Variants in LRBA observed in about 807,000 individuals in gnomAD.
LRBA encodes LPS responsive beige-like anchor protein, also known as lipopolysaccharide-responsive and beige-like anchor protein.
A neutral mutation model predicts 330.0 loss-of-function variants in LRBA; 176 were observed. The observed-to-expected ratio is 0.53, with a 90% CI of 0.47 to 0.60. The LOEUF (loss-of-function observed/expected upper bound fraction) is 0.60. Among genes scored for constraint, LRBA ranks in the 20% least tolerant of loss-of-function variants. The pLI is 0.00. For missense variants in LRBA, 3,259 were observed against 3,444.8 expected, an observed-to-expected ratio of 0.95 and a Z score of 1.35; for synonymous variants, 1,230 against 1,193.0, an observed-to-expected ratio of 1.03 and a Z score of -0.64.
chr4:150,343,511 T>A (rs1290442971), intron 48 of LRBA, among the ~76,000 whole-genome samples: 3 of 152,208 alleles, frequency 2.0e-5, no homozygotes, highest in African/African-American at 4.8e-5. Flanking sequence ...GAATTAGTAA[T>A]GAATAAAAGG....
At chr4:150,973,230 T>C (rs977373817) in intron 2 of LRBA, among the ~76,000 whole-genome samples, 33 of 152,184 alleles carry the variant, frequency 2.2e-4, no homozygotes, top group Admixed American at 1.6e-3. Flanking sequence ...TGCAATGGCA[T>C]GATCTCAGCT....
chr4:150,432,210 C>G (rs1373864339), intron 46 of LRBA, among the ~76,000 whole-genome samples: 1 of 151,922 alleles, frequency 6.6e-6, no homozygotes, highest in African/African-American at 2.4e-5. Context: ...AGAATGTATA[C>G]TATATTAATC....
At chr4:150,675,900 T>C (rs1306492930) in intron 37 of LRBA, among the ~76,000 whole-genome samples, 1 of 152,170 alleles carries the variant, frequency 6.6e-6, no homozygotes, top group African/African-American at 2.4e-5. Context: ...TATTTTCTAA[T>C]TCTTGAATAA....
chr4:150,399,413 T>A (rs1258429606), intron 47 of LRBA, among the ~76,000 whole-genome samples: 3 of 152,170 alleles, frequency 2.0e-5, no homozygotes, highest in African/African-American at 7.2e-5. Context: ...TTCTGATACT[T>A]TTTGAAGACT....
At chr4:150,451,179 G>A (rs1753299490) in intron 44 of LRBA, among the ~76,000 whole-genome samples, 1 of 152,144 alleles carries the variant, frequency 6.6e-6, no homozygotes. Context: ...GGATACAGAA[G>A]ACATGAGCAA....
chr4:150,998,524 TTTTG>T (rs1462975382), intron 2 of LRBA, among the ~76,000 whole-genome samples: 2 of 152,092 alleles, frequency 1.3e-5, no homozygotes, highest in East Asian at 1.9e-4. Flanking sequence ...GACCTGATTT[TTTTG>T]TTTTTTTGTA....
chr4:150,677,416 G>A (rs543617785), intron 37 of LRBA, among the ~76,000 whole-genome samples: 2 of 152,282 alleles, frequency 1.3e-5, no homozygotes, highest in Non-Finnish European at 2.9e-5. Context: ...ATGAGCATAT[G>A]TGCAACAACT....
chr4:150,827,123 A>G (rs1746391401), intron 30 of LRBA, among the ~76,000 whole-genome samples: 1 of 152,230 alleles, frequency 6.6e-6, no homozygotes, highest in African/African-American at 2.4e-5. Context: ...AAACAATTTG[A>G]CGGAGACAAG....
chr4:150,416,640 A>AC (rs1002311208), intron 46 of LRBA, among the ~76,000 whole-genome samples: 3 of 152,024 alleles, frequency 2.0e-5, no homozygotes, highest in African/African-American at 7.2e-5. Context: ...CAATTAAAAA[A>AC]AAAAAAAGAC....
chr4:150,289,558 A>G (rs1748589476), intron 53 of LRBA, among the ~76,000 whole-genome samples: 1 of 152,210 alleles, frequency 6.6e-6, no homozygotes, highest in South Asian at 2.1e-4. Context: ...GTAAAAAGAC[A>G]GCGCTACTTA....
intron 40 of LRBA, among the ~76,000 whole-genome samples, chr4:150,540,473 G>A (rs1765200253): frequency 1.3e-5 from 2 of 152,130 alleles, no homozygotes; most frequent in African/African-American, 4.8e-5. Context: ...GGGTATACAG[G>A]CATGAGCCAC....
At position 150,592,026 on chromosome 4, in the gene LRBA, T is replaced by C. The variant is rs115176815; in HGVS notation, c.6047-1167A>G. ...TAATCTTTTTTTGAATGGTGTCATA[T>C]AAGGGAAAGTTAAGAATCTTCACCT... On this transcript the variant is annotated intron_variant, in intron 38 of 56. Coordinates refer to ENST00000651943, the MANE Select transcript of LRBA (RefSeq NM_001364905.1). 1.9e-3 allele frequency among the ~76,000 whole-genome samples: 285 copies of C among 151,868 alleles called. 2 individuals carry two copies. Among genetic ancestry groups the C allele is most frequent in the African/African-American group, 6.7e-3 (277 of 41,416 alleles).
chr4:150,880,395 C>T (rs1246150246), intron 17 of LRBA, among the ~76,000 whole-genome samples: 1 of 152,072 alleles, frequency 6.6e-6, no homozygotes, highest in Non-Finnish European at 1.5e-5. Flanking sequence ...TGGCACATGC[C>T]TGTAATCCCA....
intron 30 of LRBA, among the ~76,000 whole-genome samples, chr4:150,822,158 T>A (rs1324631449): frequency 2.6e-5 from 4 of 152,120 alleles, no homozygotes; most frequent in African/African-American, 9.7e-5. Flanking sequence ...ATACTAGACA[T>A]GTTAAATTCT....
At chr4:150,730,535 T>G (rs1730299875) in intron 36 of LRBA, among the ~76,000 whole-genome samples, 1 of 151,460 alleles carries the variant, frequency 6.6e-6, no homozygotes, top group Admixed American at 6.6e-5. Context: ...ATACAAAAAT[T>G]AGCTAGGCAT....
intron 36 of LRBA, chr4:150,721,187 T>C: frequency 1.9e-6 from 1 of 527,406 alleles, no homozygotes; most frequent in Non-Finnish European, 3.6e-6. Flanking sequence ...ATACCAGGAC[T>C]GTGGAGCCTC....
intron 34 of LRBA, among the ~76,000 whole-genome samples, chr4:150,780,177 T>C (rs1737970124): frequency 6.6e-6 from 1 of 152,186 alleles, no homozygotes; most frequent in South Asian, 2.1e-4. Context: ...TATGTATTCA[T>C]GGAATAAGTT....
At chr4:150,848,446 G>A (rs1049298705) in intron 26 of LRBA, among the ~76,000 whole-genome samples, 5 of 151,730 alleles carry the variant, frequency 3.3e-5, no homozygotes, top group Non-Finnish European at 7.4e-5. Flanking sequence ...AAAAGAGATA[G>A]GGGAGCACCT....
Position 150,583,325 on chromosome 4 carries a change from T to C in LRBA, c.6330+4723A>G. The C allele has an allele frequency of 6.2e-7, 1 of 1,614,220 alleles. No individual in the cohort carries two copies. The highest frequency in any genetic ancestry group is 8.5e-7 in the Non-Finnish European group (1 of 1,180,026). On this transcript the variant is annotated intron_variant, in intron 40 of 56. Coordinates refer to ENST00000651943, the MANE Select transcript of LRBA (RefSeq NM_001364905.1). This position sits in a 1 kb window ranked among gnomAD's most constrained non-coding sequence, Gnocchi z 9.8. ...GACGGCTCGCTGCCCGGCTGCGCAG[T>C]GCTCAAACTGAGCGATGGGCGGAAG...
Sources: allele counts gnomAD v4.1 joint callset (sites outside exome capture counted in the v4.1 genomes callset), GRCh38; gene constraint gnomAD v4.1.1; non-coding constraint Gnocchi (gnomAD v3.1); transcripts MANE v1.5; gene names NCBI Gene and HGNC (gene_info 2026-07-23, HGNC 2026-07-21).